HMGCLL1: variants seen among roughly 807,000 people sequenced by gnomAD.
HMGCLL1 encodes 3-hydroxymethyl-3-methylglutaryl-CoA lyase, cytoplasmic.
A neutral mutation model predicts 39.1 loss-of-function variants in HMGCLL1; 36 were observed. The ratio of observed to expected loss-of-function variants is 0.92; its 90% CI spans 0.71 to 1.22. The LOEUF is 1.22. HMGCLL1 is among the 50% of genes most tolerant of loss of function. The probability of loss-of-function intolerance (pLI) is 0.00; values close to 1 mark genes in which losing one functional copy is unlikely to be tolerated. For synonymous variants in HMGCLL1, 149 were observed against 144.0 expected (o/e 1.03, Z -0.25); for missense variants, 451 against 416.5 (o/e 1.08, Z -0.72).
chr6:55,670,573 T>C, the HMGCLL1 span, among the ~76,000 whole-genome samples: 1 of 151,762 alleles, frequency 6.6e-6, no homozygotes, highest in African/African-American at 2.4e-5. Context: ...AAAGGGGGAA[T>C]GTAAAGGAAT....
chr6:55,441,809 G>C (rs1561882710), intron 7 of HMGCLL1, among the ~76,000 whole-genome samples: 1 of 152,050 alleles, frequency 6.6e-6, no homozygotes, highest in Non-Finnish European at 1.5e-5. Flanking sequence ...TCTTGCCTCA[G>C]CCTCCTGAGT....
intron 3 of HMGCLL1, among the ~76,000 whole-genome samples, chr6:55,522,827 A>G (rs114030072): frequency 1.1e-3 from 170 of 152,128 alleles, no homozygotes; most frequent in African/African-American, 3.9e-3. Flanking sequence ...GAAATTATTC[A>G]GTGTGTTTTT....
chr6:55,631,672 A>T, the HMGCLL1 span, among the ~76,000 whole-genome samples: 4 of 152,142 alleles, frequency 2.6e-5, no homozygotes, highest in Non-Finnish European at 4.4e-5. Flanking sequence ...TAATTCATTG[A>T]TTACTATGTA....
the HMGCLL1 span, among the ~76,000 whole-genome samples, chr6:55,664,193 A>G: frequency 6.6e-6 from 1 of 151,754 alleles, no homozygotes; most frequent in African/African-American, 2.4e-5. Flanking sequence ...ATTGATATGT[A>G]TGGATTTGGT....
At chr6:55,623,135 C>T in the HMGCLL1 span, among the ~76,000 whole-genome samples, 3 of 151,856 alleles carry the variant, frequency 2.0e-5, no homozygotes, top group Non-Finnish European at 4.4e-5. Flanking sequence ...TTTGATTCCT[C>T]CATTTTTTTC....
the HMGCLL1 span, among the ~76,000 whole-genome samples, chr6:55,634,853 A>G: frequency 2.0e-5 from 3 of 152,154 alleles, no homozygotes; most frequent in African/African-American, 7.2e-5. Context: ...AACACTGCTT[A>G]ATGTGAGGAT....
At chr6:55,583,465 G>A (rs111835065), upstream of HMGCLL1, among the ~76,000 whole-genome samples, 5,510 of 151,766 alleles carry the variant, frequency 0.036, 159 homozygotes, top group South Asian at 0.11. Flanking sequence ...TTGTCCTTGC[G>A]ATAGTTTACT....
In HMGCLL1 at chr6:55,516,498, G is replaced by T; in HGVS notation, c.393+10C>A. 1 of 1,554,152 alleles carries T rather than the reference G, an allele frequency of 6.4e-7. No homozygotes were observed. The highest frequency in any genetic ancestry group is 8.8e-7 in the Non-Finnish European group (1 of 1,132,730). Reference sequence around the variant, plus strand: ...CCTATCAATTTTAGAGATATTAGTAGCACACTTACAGCATGGTGAAAACCC... The same window carrying T: ...CCTATCAATTTTAGAGATATTAGTATCACACTTACAGCATGGTGAAAACCC... On this transcript the variant is annotated intron_variant, in intron 4 of 8. Transcript: ENST00000274901.
At chr6:55,640,397 T>C in the HMGCLL1 span, among the ~76,000 whole-genome samples, 6 of 152,014 alleles carry the variant, frequency 3.9e-5, no homozygotes, top group Non-Finnish European at 8.8e-5. Context: ...ATGAATCACA[T>C]AAATATAATA....
intron 7 of HMGCLL1, among the ~76,000 whole-genome samples, chr6:55,442,527 G>GC (rs1335822004): frequency 6.6e-6 from 1 of 152,096 alleles, no homozygotes; most frequent in Non-Finnish European, 1.5e-5. Flanking sequence ...AGTTTCCTTT[G>GC]CAAGACTGAA....
chr6:55,606,198 C>A, the HMGCLL1 span, among the ~76,000 whole-genome samples: 3 of 152,212 alleles, frequency 2.0e-5, no homozygotes, highest in East Asian at 5.8e-4. Flanking sequence ...CAGAAGTTCA[C>A]CTTCCGATAA....
At chr6:55,502,914 T>C (rs1190023534) in intron 5 of HMGCLL1, among the ~76,000 whole-genome samples, 3 of 151,716 alleles carry the variant, frequency 2.0e-5, no homozygotes, top group African/African-American at 4.8e-5. Flanking sequence ...TTTGCCTCTA[T>C]AAACATTTCA....
chr6:55,654,145 GCCTA>G, the HMGCLL1 span, among the ~76,000 whole-genome samples: 1 of 151,820 alleles, frequency 6.6e-6, no homozygotes, highest in African/African-American at 2.4e-5. Flanking sequence ...TTCAGCGAAA[GCCTA>G]CCTAAGAAAG....
At position 55,514,089 on chromosome 6, in the gene HMGCLL1, C is replaced by T; in HGVS notation, c.501G>A (p.Glu167=). Residue 167 remains glutamate (E), a synonymous_variant, in exon 5 of 9, where the codon GAG becomes GAA. Coordinates refer to ENST00000274901, the MANE Select transcript of HMGCLL1 (RefSeq NM_001042406.2). ...TCATGTGTCTTGCAGACTTAACAAC[C>T]TCCTCAAATTTTCCCATACTTTCTT... ...SIEESMGKFE[E]VVKSARHMNI... 1.9e-6 allele frequency: 3 copies of T among 1,613,122 alleles called. No homozygotes were observed. The highest frequency in any genetic ancestry group is 2.2e-5 in the East Asian group (1 of 44,738).
chr6:55,603,372 C>G, the HMGCLL1 span, among the ~76,000 whole-genome samples: 1 of 152,022 alleles, frequency 6.6e-6, no homozygotes, highest in African/African-American at 2.4e-5. Context: ...AGTATTATCT[C>G]TAGTTAACAA....
At chr6:55,615,811 T>A in the HMGCLL1 span, among the ~76,000 whole-genome samples, 2 of 152,052 alleles carry the variant, frequency 1.3e-5, no homozygotes, top group African/African-American at 2.4e-5. Flanking sequence ...GACTGAAAGC[T>A]TATTCTTTGG....
intron 7 of HMGCLL1, among the ~76,000 whole-genome samples, chr6:55,488,226 T>G (rs2127418410): frequency 6.6e-6 from 1 of 152,206 alleles, no homozygotes; most frequent in Non-Finnish European, 1.5e-5. Flanking sequence ...ACACAATTTT[T>G]ATAAAATAGT....
intron 1 of HMGCLL1, among the ~76,000 whole-genome samples, chr6:55,570,165 A>G (rs1282724215): frequency 1.3e-5 from 2 of 152,016 alleles, no homozygotes; most frequent in Non-Finnish European, 2.9e-5. Context: ...AGAATCATCT[A>G]CTCCTTCTGT....
chr6:55,553,248 C>CGTGTGTGTGTGTGTGTGTGTGTGT (rs70986735), intron 1 of HMGCLL1, among the ~76,000 whole-genome samples: 4 of 143,720 alleles, frequency 2.8e-5, no homozygotes, highest in African/African-American at 1.0e-4. Context: ...TACATATATA[C>CGTGTGTGTGTGTGTGTGTGTGTGT]GTGTGTGTGT....
Sources: gnomAD v4.1 joint callset for allele counts (sites outside exome capture counted in the v4.1 genomes callset) on GRCh38, gnomAD v4.1.1 for gene constraint, MANE v1.5 for transcripts, NCBI Gene and HGNC (gene_info 2026-07-23, HGNC 2026-07-21) for gene names.